Variants in RP1 observed in about 807,000 individuals in gnomAD.
RP1 encodes oxygen-regulated protein 1.
In RP1, 16 loss-of-function variants were observed where a neutral mutation model predicts 14.8. The ratio of observed to expected loss-of-function variants is 1.08; its 90% CI spans 0.73 to 1.65. The LOEUF is 1.65. Ranked by LOEUF, RP1 falls within the 40% of genes most tolerant of loss-of-function variation. The pLI is 0.00. For synonymous variants in RP1, 876 were observed against 883.6 expected (o/e 0.99, Z 0.15); for missense variants, 2,631 against 2,535.0 (o/e 1.04, Z -0.81).
At position 54,630,092 on chromosome 8, in the gene RP1, C is replaced by G. The variant is rs767325122; in HGVS notation, c.6210C>G (p.Asn2070Lys). 1 of 1,613,932 alleles carries G rather than the reference C, an allele frequency of 6.2e-7. No individual in the cohort carries two copies. Among genetic ancestry groups the G allele is most frequent in the Non-Finnish European group, 8.5e-7 (1 of 1,179,938 alleles). ...TTAAAGCAGTCGATGAGAATAACAA[C>G]TTATTAAATAACAGATTCCAGGGCT... ...EIFKAVDENN[N>K]LLNNRFQGSR... is the part of the protein sequence containing the mutation. Residue 2070 changes from asparagine to lysine, a missense_variant, in exon 4 of 4, where the codon AAC becomes AAG. Transcript: ENST00000220676.
chr8:54,568,095 G>A (rs1048638259), intron 1 of RP1, among the ~76,000 whole-genome samples: 1 of 152,100 alleles, frequency 6.6e-6, no homozygotes, highest in South Asian at 2.1e-4. Context: ...GTCCATGAAG[G>A]CTGCTAGAGC....
At position 54,751,732 on chromosome 8, in the gene RP1, G is replaced by A. The variant is rs571834696; in HGVS notation, c.2809-3071G>A. ...GGGCTTAAACATTGTGGTCGTCCTG[G>A]AATTTTGCCCTTCTTACTAATTTAA... On this transcript the variant is annotated intron_variant, in intron 19 of 22. Coordinates refer to the RP1 transcript ENST00000636932. Among the ~76,000 whole-genome samples, 722 of 152,300 alleles carry A rather than the reference G, an allele frequency of 4.7e-3. 4 individuals carry two copies. Among genetic ancestry groups the A allele is most frequent in the Middle Eastern group, 0.024 (7 of 292 alleles).
chr8:54,831,401 C>CTTTTTTTTT (rs368455444), intron 24 of RP1, among the ~76,000 whole-genome samples: 21 of 102,684 alleles, frequency 2.0e-4, no homozygotes, highest in East Asian at 2.9e-4. Context: ...CCTATTGTTT[C>CTTTTTTTTT]TTTTTTTTTT....
At chr8:54,679,785 G>A (rs1463543947) in intron 11 of RP1, 1 of 1,534,188 alleles carries the variant, frequency 6.5e-7, no homozygotes, top group South Asian at 1.2e-5. Context: ...CATTTGTTTT[G>A]CTTTGTTTTT....
rs745395785 is a variant in RP1 at position 54,695,334 on chromosome 8, A to G, written c.1718-4133A>G. On this transcript the variant is annotated intron_variant, in intron 12 of 22. Transcript: ENST00000636932. Reference sequence around the variant, plus strand: ...ACTTAACTGTTGATGAGATAGTCTTACGTGTGGGACTAACAGCAATGACAG... The same window carrying G: ...ACTTAACTGTTGATGAGATAGTCTTGCGTGTGGGACTAACAGCAATGACAG... Among the ~76,000 whole-genome samples the G allele has an allele frequency of 4.6e-5, 7 of 152,136 alleles. No homozygotes were observed. In the South Asian group the frequency reaches 8.3e-4, roughly 18 times the overall value.
rs76163858 is a variant in RP1, at chr8:54,617,421, G to T, written c.-13+1219G>T. Among the ~76,000 whole-genome samples the T allele has an allele frequency of 6.9e-4, 105 of 152,348 alleles. No homozygotes were observed. In the East Asian group the frequency reaches 0.018, roughly 26 times the overall value. ...CAAATTCTGATTCGTTCTTAAAACT[G>T]ATTAAGAATGGAGCACAGCTAACAT... On this transcript the variant is annotated intron_variant, in intron 1 of 3. Transcript: ENST00000220676.
At chr8:54,610,419 C>A (rs1437111635) in intron 1 of RP1, among the ~76,000 whole-genome samples, 3 of 152,202 alleles carry the variant, frequency 2.0e-5, no homozygotes, top group Non-Finnish European at 4.4e-5. Context: ...CATCCAGATT[C>A]TTCCAAGTTT....
At chr8:54,842,465 G>A (rs1811810361) in intron 25 of RP1, among the ~76,000 whole-genome samples, 1 of 152,180 alleles carries the variant, frequency 6.6e-6, no homozygotes. Flanking sequence ...AAGGCCATGG[G>A]ACTCCTGTGG....
chr8:54,747,163 C>T lies in RP1; in HGVS notation c.2809-7640C>T, dbSNP rs78372852. On this transcript the variant is annotated intron_variant, in intron 19 of 22. Transcript: ENST00000636932. ...GTAAAGATCTCCTATGATAGGCTTC[C>T]AGCTTCTTTTTCACCCCCCTCAGTA... is the stretch of plus-strand genomic sequence containing the variant. Among the ~76,000 whole-genome samples, 725 of 152,136 alleles carry T rather than the reference C, an allele frequency of 4.8e-3. 7 individuals are homozygous for T. The highest frequency in any genetic ancestry group is 0.016 in the African/African-American group (684 of 41,498).
At chr8:54,720,257 G>A in exon 16 of RP1, 1 of 1,535,906 alleles carries the variant, frequency 6.5e-7, no homozygotes, top group Non-Finnish European at 8.7e-7. Flanking sequence ...CAAAACCAAT[G>A]ATTTATACCA....
intron 1 of RP1, among the ~76,000 whole-genome samples, chr8:54,578,721 T>A (rs1804716058): frequency 6.6e-6 from 1 of 152,220 alleles, no homozygotes; most frequent in East Asian, 1.9e-4. Context: ...TGTGTTCTTT[T>A]GTTTAGTTAA....
intron 24 of RP1, among the ~76,000 whole-genome samples, chr8:54,787,282 A>C (rs1444151703): frequency 6.6e-6 from 1 of 152,188 alleles, no homozygotes; most frequent in East Asian, 1.9e-4. Context: ...AGTTGGAGAG[A>C]GTAGGCAGAG....
At chr8:54,594,690 G>T (rs1396209488) in intron 1 of RP1, among the ~76,000 whole-genome samples, 2 of 152,024 alleles carry the variant, frequency 1.3e-5, no homozygotes, top group African/African-American at 4.8e-5. Context: ...TTCATTAGGG[G>T]TACTTAAATG....
At chr8:54,624,460 A>G (rs1357475981) in intron 3 of RP1, among the ~76,000 whole-genome samples, 7 of 150,814 alleles carry the variant, frequency 4.6e-5, no homozygotes, top group Non-Finnish European at 8.9e-5. Flanking sequence ...AAAAAAAAAA[A>G]AAAAAAAGAA....
chr8:54,632,446 G>GCATTCTTT (rs1345531965), downstream of RP1, among the ~76,000 whole-genome samples: 2 of 152,208 alleles, frequency 1.3e-5, no homozygotes. Context: ...TCTTTAAAGT[G>GCATTCTTT]AACGTGTTCA....
At chr8:54,613,361 T>G (rs1003131587), upstream of RP1, among the ~76,000 whole-genome samples, 1 of 152,194 alleles carries the variant, frequency 6.6e-6, no homozygotes, top group Non-Finnish European at 1.5e-5. Context: ...CCTGGAAAGG[T>G]AAATTCTAGC....
At chr8:54,857,455 G>A (rs1812231906) in intron 27 of RP1, among the ~76,000 whole-genome samples, 1 of 148,612 alleles carries the variant, frequency 6.7e-6, no homozygotes. Context: ...GGTTATAAAT[G>A]GTCACTAATT....
intron 19 of RP1, chr8:54,739,059 A>C (rs1196752427): frequency 6.9e-7 from 1 of 1,458,104 alleles, no homozygotes; most frequent in South Asian, 1.3e-5. Flanking sequence ...TTTTCTTCAT[A>C]GTTATTCTCT....
intron 1 of RP1, among the ~76,000 whole-genome samples, chr8:54,586,991 C>T (rs1238769489): frequency 2.0e-4 from 30 of 152,244 alleles, no homozygotes; most frequent in Admixed American, 2.0e-3. Context: ...CGGTGCACTG[C>T]ACCCACTGTC....
Sources: gnomAD v4.1 joint callset for allele counts (sites outside exome capture counted in the v4.1 genomes callset) on GRCh38, gnomAD v4.1.1 for gene constraint, MANE v1.5 for transcripts, NCBI Gene and HGNC (gene_info 2026-07-23, HGNC 2026-07-21) for gene names.